The following PLSCR2 variants were observed in gnomAD, a reference collection of about 807,000 sequenced individuals.
PLSCR2 encodes PL scramblase 2.
PLSCR2 carries 18 observed loss-of-function variants against 25.3 expected under a neutral mutation model. The ratio of observed to expected loss-of-function variants is 0.71; its 90% CI spans 0.49 to 1.06. The LOEUF (loss-of-function observed/expected upper bound fraction) is 1.06, where lower values mean the gene tolerates loss of function less well. Ranked by LOEUF, PLSCR2 falls within the 50% of genes least tolerant of loss-of-function variation. PLSCR2 has a pLI of 0.00. For missense variants in PLSCR2, 243 were observed against 269.5 expected, an observed-to-expected ratio of 0.90 and a Z score of 0.69; for synonymous variants, 88 against 87.3, an observed-to-expected ratio of 1.01 and a Z score of -0.04.
At chr3:146,414,789 A>T (rs1177809636) in intron 2 of PLSCR2, among the ~76,000 whole-genome samples, 2 of 152,250 alleles carry the variant, frequency 1.3e-5, no homozygotes, top group African/African-American at 2.4e-5. Context: ...AAATTTCTGA[A>T]GAATCTGGAA....
chr3:146,423,282 T>TCTCTCTCTCCC (rs758576585), intron 2 of PLSCR2, among the ~76,000 whole-genome samples: 1 of 100,962 alleles, frequency 9.9e-6, no homozygotes, highest in Non-Finnish European at 2.0e-5. Context: ...TCTCTCTCTC[T>TCTCTCTCTCCC]CCCTGGCTAG....
At chr3:146,406,905 C>T (rs1338046385) in intron 2 of PLSCR2, among the ~76,000 whole-genome samples, 3 of 152,134 alleles carry the variant, frequency 2.0e-5, no homozygotes, top group South Asian at 2.1e-4. Context: ...GAACAAGTGG[C>T]AGGATGATGT....
chr3:146,488,068 T>G (rs538662217), intron 1 of PLSCR2, among the ~76,000 whole-genome samples: 1 of 151,960 alleles, frequency 6.6e-6, no homozygotes, highest in East Asian at 1.9e-4. Context: ...AAACAAGAAA[T>G]GGGGAAAGGA....
At chr3:146,403,683 G>GT (rs911465506) in intron 2 of PLSCR2, among the ~76,000 whole-genome samples, 88 of 151,682 alleles carry the variant, frequency 5.8e-4, no homozygotes, top group Admixed American at 7.2e-4. Flanking sequence ...TATTGTCTTA[G>GT]TTTTTTTTGT....
intron 1 of PLSCR2, among the ~76,000 whole-genome samples, chr3:146,491,342 T>C (rs1413622668): frequency 2.0e-5 from 3 of 152,086 alleles, no homozygotes; most frequent in Non-Finnish European, 4.4e-5. Flanking sequence ...CGGGGATGTT[T>C]TTCTTGTACA....
At position 146,495,429 on chromosome 3, in the gene PLSCR2, A is replaced by G. The variant is rs1025083591; in HGVS notation, c.-293+466T>C. Among the ~76,000 whole-genome samples, 7 of 152,202 alleles carry G rather than the reference A, an allele frequency of 4.6e-5. No individual in the cohort carries two copies. The East Asian group carries it at 5.8e-4, about 13-fold the overall frequency. On this transcript the variant is annotated intron_variant, in intron 1 of 8. Transcript: ENST00000336685. ...AGTTTCCCAGTCCAATGGACTGAAT[A>G]TATCTTTCTGAAATTAATATGTTAA... is the stretch of plus-strand genomic sequence containing the variant.
At chr3:146,454,141 C>T (rs2041061923) in exon 5 of PLSCR2, 1 of 1,588,320 alleles carries the variant, frequency 6.3e-7, no homozygotes, top group Non-Finnish European at 8.5e-7. Context: ...TACTGGTACA[C>T]CAGGAGGAGC....
In PLSCR2 at chr3:146,459,975, A is replaced by C. The variant is rs2041468266; in HGVS notation, c.-71T>G. 6.2e-7 allele frequency: 1 copy of C among 1,613,944 alleles called. No individual in the cohort carries two copies. Among genetic ancestry groups the C allele is most frequent in the African/African-American group, 1.3e-5 (1 of 75,046 alleles). On this transcript the variant is annotated 5_prime_UTR_variant, in exon 2 of 7. It removes the in-frame stop codon of an upstream open reading frame in the 5' UTR. Transcript: ENST00000610787. ...GCCAGCTGTGCCAGCAGGTGGGACT[A>C]GGTAGTCATGCTGACGTCCTGGGTA... is the stretch of plus-strand genomic sequence containing the variant.
intron 1 of PLSCR2, among the ~76,000 whole-genome samples, chr3:146,494,294 T>C (rs1343598144): frequency 2.0e-5 from 3 of 152,204 alleles, no homozygotes; most frequent in East Asian, 1.9e-4. Flanking sequence ...GTCACATCTA[T>C]GTATAATGGT....
chr3:146,461,710 AGAGAG>A, upstream of PLSCR2: 1 of 595,652 alleles, frequency 1.7e-6, no homozygotes, highest in East Asian at 2.9e-5. Flanking sequence ...CATGTTCGTG[AGAGAG>A]GAGAGTCATA....
At chr3:146,412,220 C>A (rs2038876472) in intron 2 of PLSCR2, among the ~76,000 whole-genome samples, 1 of 152,178 alleles carries the variant, frequency 6.6e-6, no homozygotes, top group African/African-American at 2.4e-5. Context: ...TCTCAGGCTG[C>A]AGTTGCTTGT....
At chr3:146,491,507 GT>G (rs1046803529) in intron 1 of PLSCR2, among the ~76,000 whole-genome samples, 7 of 151,928 alleles carry the variant, frequency 4.6e-5, no homozygotes, top group African/African-American at 1.7e-4. Context: ...TCATAAGCTT[GT>G]TCTGTTTACG....
intron 6 of PLSCR2, among the ~76,000 whole-genome samples, chr3:146,444,813 TA>T (rs1325818548): frequency 2.6e-5 from 4 of 152,022 alleles, no homozygotes; most frequent in African/African-American, 9.7e-5. Flanking sequence ...GTTTTCTGGT[TA>T]TTTTTGTGAT....
intron 2 of PLSCR2, among the ~76,000 whole-genome samples, chr3:146,426,186 C>T (rs1035117607): frequency 1.4e-5 from 2 of 146,750 alleles, no homozygotes; most frequent in African/African-American, 5.0e-5. Context: ...TTCCTTCCTC[C>T]CTCCCTCCTT....
intron 2 of PLSCR2, among the ~76,000 whole-genome samples, chr3:146,424,180 A>T (rs1473873575): frequency 4.0e-5 from 6 of 150,874 alleles, no homozygotes; most frequent in Admixed American, 4.0e-4. Context: ...TTCTGGTGAG[A>T]GCTCACTTCT....
chr3:146,485,651 T>A (rs972283849), intron 1 of PLSCR2, among the ~76,000 whole-genome samples: 1 of 152,100 alleles, frequency 6.6e-6, no homozygotes. Context: ...AGAAACTCAC[T>A]CAAAACCATA....
At chr3:146,486,687 C>CAA (rs548360966) in intron 1 of PLSCR2, among the ~76,000 whole-genome samples, 1 of 149,514 alleles carries the variant, frequency 6.7e-6, no homozygotes, top group Non-Finnish European at 1.5e-5. Flanking sequence ...AATTGCCTAC[C>CAA]AAAAAAAAAC....
intron 2 of PLSCR2, among the ~76,000 whole-genome samples, chr3:146,410,942 A>G (rs2038826557): frequency 1.3e-5 from 2 of 152,138 alleles, no homozygotes; most frequent in African/African-American, 4.8e-5. Flanking sequence ...CTTAAGCCTT[A>G]TGAGGTCGCC....
intron 1 of PLSCR2, among the ~76,000 whole-genome samples, chr3:146,485,713 T>C (rs1433039382): frequency 6.6e-6 from 1 of 151,828 alleles, no homozygotes; most frequent in Non-Finnish European, 1.5e-5. Context: ...TGGGTAAATG[T>C]ATTCATCTGT....
Sources: gnomAD v4.1 joint callset for allele counts (sites outside exome capture counted in the v4.1 genomes callset) on GRCh38, gnomAD v4.1.1 for gene constraint, MANE v1.5 for transcripts, NCBI Gene and HGNC (gene_info 2026-07-23, HGNC 2026-07-21) for gene names.